The following FASTK variants were observed in gnomAD, a reference collection of about 807,000 sequenced individuals.
The protein encoded by FASTK is fas-activated serine/threonine kinase.
In FASTK, 28 loss-of-function variants were observed where a neutral mutation model predicts 60.0. The observed-to-expected ratio is 0.47, with a 90% CI of 0.35 to 0.64. The LOEUF (loss-of-function observed/expected upper bound fraction) is 0.64, where lower values mean the gene tolerates loss of function less well. Ranked by LOEUF, FASTK falls within the 30% of genes least tolerant of loss-of-function variation. FASTK has a pLI of 0.01. For synonymous variants in FASTK, 325 were observed against 307.9 expected, an observed-to-expected ratio of 1.06 and a Z score of -0.58; for missense variants, 595 against 713.8, an observed-to-expected ratio of 0.83 and a Z score of 1.90.
rs1272414071 is a variant in FASTK, at chr7:151,077,712, G to T, written c.1108C>A (p.Pro370Thr). 2 of 1,591,902 alleles carry T rather than the reference G, an allele frequency of 1.3e-6. No individual in the cohort carries two copies. Among genetic ancestry groups the T allele is most frequent in the African/African-American group, 2.7e-5 (2 of 73,786 alleles). The change falls in exon 6 of 10, where the codon CCA becomes ACA. Residue 370 changes from proline (P) to threonine (T), a missense_variant. By Grantham distance (38) the Pro-to-Thr change is conservative. Around this residue, in one of 2 missense-constraint regions of FASTK, gnomAD observed 471 missense variants for 605.9 expected, o/e 0.78. Transcript: ENST00000297532. ...LLDTAVELEL[P>T]GYRGPRLPRR... is the part of the protein sequence containing the mutation. ...GGAAGGCGGGGACCCCGGTATCCTG[G>T]GAGCTCCAGCTCCACGGCCGTGTCC...
In FASTK at chr7:151,077,681, C is replaced by T. The variant is rs1797742661; in HGVS notation, c.1139G>A (p.Arg380Lys). 4 of 1,583,602 alleles carry T rather than the reference C, an allele frequency of 2.5e-6. No individual in the cohort carries two copies. Among genetic ancestry groups the T allele is most frequent in the Non-Finnish European group, 2.6e-6 (3 of 1,166,072 alleles). ...CTGGGGAAAGATGGGCACTTGCTGC[C>T]TTCGGGGAAGGCGGGGACCCCGGTA... ...PGYRGPRLPRRQQVPIFPQPL... is the reference protein window; with the variant it reads ...PGYRGPRLPRKQQVPIFPQPL... Residue 380 changes from arginine to lysine, a missense_variant, in exon 6 of 10, where the codon AGG becomes AAG. By Grantham distance (26) the Arg-to-Lys change is conservative. Around this residue, in one of 2 missense-constraint regions of FASTK, gnomAD observed 471 missense variants for 605.9 expected, o/e 0.78. Coordinates refer to ENST00000297532, the MANE Select transcript of FASTK (RefSeq NM_006712.5).
At chr7:151,080,022 C>A (rs1585014446) in intron 1 of FASTK, 100 bp from the exon 2 acceptor site, 2 of 1,087,408 alleles carry the variant, frequency 1.8e-6, no homozygotes, top group South Asian at 1.6e-5. Context: ...GGCCTGTGGT[C>A]AGAGCAAGCC....
In FASTK at chr7:151,077,291, C is replaced by T; in HGVS notation, c.1291+19G>A. Reference sequence around the variant, plus strand: ...CCAGGGCTCCGTCTCCCCGGGCCTGCCGCCTGCCCCTTGCTCACCTGTGCA... The same window carrying T: ...CCAGGGCTCCGTCTCCCCGGGCCTGTCGCCTGCCCCTTGCTCACCTGTGCA... On this transcript the variant is annotated intron_variant, in intron 7 of 9. Transcript: ENST00000297532. 6.2e-7 allele frequency: 1 copy of T among 1,612,228 alleles called. No homozygotes were observed. The highest frequency in any genetic ancestry group is 8.5e-7 in the Non-Finnish European group (1 of 1,179,414).
rs1453894093 is a variant in FASTK, at chr7:151,078,046, G to A, written c.872C>T (p.Pro291Leu). ...VLPFGRLNYL[P>L]LEQQFMPCLE... ...GCAGGGCATAAACTGCTGTTCCAGG[G>A]GCAGGTAGTTCAGTCGCCCAAAGGG... is the stretch of plus-strand genomic sequence containing the variant. Residue 291 changes from proline (P) to leucine (L), a missense_variant, in exon 5 of 10, where the codon CCC becomes CTC. Transcript: ENST00000297532. 6.2e-7 allele frequency: 1 copy of A among 1,602,040 alleles called. No individual in the cohort carries two copies. Among genetic ancestry groups the A allele is most frequent in the Non-Finnish European group, 8.5e-7 (1 of 1,170,052 alleles).
At position 151,077,155 on chromosome 7, in the gene FASTK, G is replaced by C. The variant is rs1342558290; in HGVS notation, c.1373C>G (p.Ser458Cys). The C allele has an allele frequency of 1.2e-6, 2 of 1,613,186 alleles. No homozygotes were observed. Among genetic ancestry groups the C allele is most frequent in the Non-Finnish European group, 1.7e-6 (2 of 1,179,696 alleles). Residue 458 changes from serine (S) to cysteine (C), a missense_variant, in exon 8 of 10, where the codon TCC becomes TGC. This residue lies in a region of FASTK where 471 missense variants were observed against 605.9 expected (regional missense o/e 0.78). Transcript: ENST00000297532. ...QDPFLPYPPR[S>C]CPQGQAASSA... Reference sequence around the variant, plus strand: ...AGAGGCAGCCTGGCCCTGTGGGCAGGACCTTGGTGGGTATGGCAGGAAGGG... The same window carrying C: ...AGAGGCAGCCTGGCCCTGTGGGCAGCACCTTGGTGGGTATGGCAGGAAGGG...
At chr7:151,079,991 T>C (rs913794797) in intron 1 of FASTK, 69 bp from the exon 2 acceptor site, 2 of 1,341,796 alleles carry the variant, frequency 1.5e-6, no homozygotes, top group Non-Finnish European at 2.0e-6. Context: ...ACCTACTGCT[T>C]ACCTCACTCC....
chr7:151,080,262 A>G (rs1797915222), intron 1 of FASTK: 2 of 363,388 alleles, frequency 5.5e-6, no homozygotes, highest in Non-Finnish European at 9.8e-6. Context: ...GGTTAAGTTA[A>G]GCCCGAGGTC....
At chr7:151,080,463 T>C (rs1303135703) in intron 1 of FASTK, 3 of 1,264,866 alleles carry the variant, frequency 2.4e-6, no homozygotes, top group Non-Finnish European at 3.0e-6. Context: ...GACAAGTGGC[T>C]TCGTCTCTCT....
chr7:151,077,446 T>C lies in FASTK; in HGVS notation c.1200-45A>G, dbSNP rs757443484. Reference sequence around the variant, plus strand: ...GTAGCAGGAAGGGCCCGGCACCTCATCCTAATCTGTCCCAGTCTAGTGCCA... The same window carrying C: ...GTAGCAGGAAGGGCCCGGCACCTCACCCTAATCTGTCCCAGTCTAGTGCCA... On this transcript the variant is annotated intron_variant, in intron 6 of 9. Transcript: ENST00000297532. 4.4e-6 allele frequency: 7 copies of C among 1,588,904 alleles called. No homozygotes were observed. The South Asian group carries it at 6.7e-5, about 15-fold the overall frequency.
rs544525484 is a variant in FASTK at position 151,080,573 on chromosome 7, C to A, written c.82+112G>T. ...TGCGATGGCGCGGAGTCGGCGAAGT[C>A]GGGGGCCCCAACACCCACCCCGGCC... On this transcript the variant is annotated intron_variant, in intron 1 of 9. Coordinates refer to ENST00000297532, the MANE Select transcript of FASTK (RefSeq NM_006712.5). 6 of 1,322,054 alleles carry A rather than the reference C, an allele frequency of 4.5e-6. 1 individual carries two copies. The South Asian group carries it at 1.2e-4, about 26-fold the overall frequency. The allele number at this position is 1,322,054 out of a possible 1,614,324, so 81.9% of individuals were successfully genotyped here.
In FASTK at chr7:151,077,106, G is replaced by A; in HGVS notation, c.1422C>T (p.Ala474=). The change falls in exon 8 of 10, where the codon GCC becomes GCT. Residue 474 remains alanine (A), a synonymous_variant. Coordinates refer to ENST00000297532, the MANE Select transcript of FASTK (RefSeq NM_006712.5). ...AASSATTRDP[A]QRVVLVLRER... is the part of the protein sequence containing the mutation. ...CCCCACCCTGCCTCCTTTACCTCTGGGCAGGGTCTCGAGTAGTGGCGCTAG... is the reference window on the plus strand; with the variant it reads ...CCCCACCCTGCCTCCTTTACCTCTGAGCAGGGTCTCGAGTAGTGGCGCTAG... 1 of 1,609,740 alleles carries A rather than the reference G, an allele frequency of 6.2e-7. No homozygotes were observed.
At chr7:151,080,357 AGGC>A in intron 1 of FASTK, 15 of 729,860 alleles carry the variant, frequency 2.1e-5, no homozygotes, top group East Asian at 4.4e-5. Context: ...CTCCCACAGG[AGGC>A]GGCGGCGGCA....
At position 151,078,691 on chromosome 7, in the gene FASTK, T is replaced by C. The variant is rs1797808368; in HGVS notation, c.696A>G (p.Pro232=). 1.2e-6 allele frequency: 2 copies of C among 1,612,920 alleles called. No individual in the cohort carries two copies. Among genetic ancestry groups the C allele is most frequent in the Non-Finnish European group, 1.7e-6 (2 of 1,179,930 alleles). ...HLISSLAEAR[P]EELTPHVMVL... ...CCATCACGTGGGGAGTCAGTTCCTC[T>C]GGCCTTGCCTCTGTGAAGAGCAGCC... The change falls in exon 4 of 10, where the codon CCA becomes CCG. Residue 232 remains proline (P), a synonymous_variant. Coordinates refer to ENST00000297532, the MANE Select transcript of FASTK (RefSeq NM_006712.5).
rs1355813879 is a variant in FASTK at position 151,080,703 on chromosome 7, C to T, written c.64G>A (p.Ala22Thr). The T allele has an allele frequency of 2.9e-6, 4 of 1,393,846 alleles. No homozygotes were observed. Among genetic ancestry groups the T allele is most frequent in the African/African-American group, 1.5e-5 (1 of 66,056 alleles). 86.3% of individuals were successfully genotyped at this position (1,393,846 alleles called of 1,614,324 possible). A position where few individuals can be genotyped will look rare whatever the true frequency, so the allele number is the denominator to read the frequency against. The change falls in exon 1 of 10, where the codon GCA becomes ACA. Residue 22 changes from alanine (A) to threonine (T), a missense_variant. Ala to Thr is a moderately conservative substitution (Grantham distance 58, BLOSUM62 0). Around this residue, in one of 2 missense-constraint regions of FASTK, gnomAD observed 124 missense variants for 107.9 expected, o/e 1.15. Transcript: ENST00000297532. ...CCCCTACATGACTCCCCGGGCCCTG[C>T]GCAGGTCGCTCCCTCAGTCGGTCTC... ...APRPTEGATC[A>T]GPGESWSPSP...
At chr7:151,080,275 T>C in intron 1 of FASTK, 1 of 356,130 alleles carries the variant, frequency 2.8e-6, no homozygotes, top group Non-Finnish European at 5.0e-6. Context: ...CCGAGGTCAT[T>C]AACCGGGTTA....
chr7:151,080,364 G>A, intron 1 of FASTK: 1 of 790,334 alleles, frequency 1.3e-6, no homozygotes, highest in Non-Finnish European at 1.7e-6. Flanking sequence ...AGGAGGCGGC[G>A]GCGGCACAGA....
chr7:151,080,003 C>T, intron 1 of FASTK, 81 bp from the exon 2 acceptor site: 1 of 1,251,592 alleles, frequency 8.0e-7, no homozygotes. Context: ...CCTCACTCCT[C>T]ATTTAGGGGG....
In FASTK at chr7:151,078,679, A is replaced by T; in HGVS notation, c.708T>A (p.Thr236=). Residue 236 remains threonine, a synonymous_variant, in exon 4 of 10, where the codon ACT becomes ACA. Transcript: ENST00000297532. The part of the protein sequence containing the change: ...SLAEARPEEL[T]PHVMVLLAQH... The stretch of plus-strand genomic sequence containing the variant: ...GGGCCAGGAGCACCATCACGTGGGG[A>T]GTCAGTTCCTCTGGCCTTGCCTCTG... 6.2e-7 allele frequency: 1 copy of T among 1,612,982 alleles called. No homozygotes were observed.
In FASTK at chr7:151,078,545, G is replaced by C; in HGVS notation, c.825+17C>G. The C allele has an allele frequency of 6.2e-7, 1 of 1,611,876 alleles. No homozygotes were observed. Among genetic ancestry groups the C allele is most frequent in the Non-Finnish European group, 8.5e-7 (1 of 1,178,576 alleles). On this transcript the variant is annotated intron_variant, in intron 4 of 9. Transcript: ENST00000297532. ...GAGAATGACAGAGATGCACTGGAGG[G>C]TGGGTGGCAAGCCCACCTTGCTGCT...
Sources: allele counts gnomAD v4.1 joint callset, GRCh38; gene constraint gnomAD v4.1.1; regional missense constraint gnomAD v4.1.1; transcripts MANE v1.5; gene names NCBI Gene and HGNC (gene_info 2026-07-23, HGNC 2026-07-21).